GIGYF2: variants seen among roughly 807,000 people sequenced by gnomAD.
The protein encoded by GIGYF2 is GRB10-interacting GYF protein 2.
In GIGYF2, 25 loss-of-function variants were observed where a neutral mutation model predicts 208.1. The observed-to-expected ratio is 0.12, with a 90% CI of 0.09 to 0.17. The LOEUF is 0.17. GIGYF2 is among the 10% of genes least tolerant of loss of function. The pLI, the probability that GIGYF2 is intolerant of heterozygous loss-of-function variation, is 1.00. For missense variants in GIGYF2, 1,302 were observed against 1,579.4 expected, an observed-to-expected ratio of 0.82 and a Z score of 2.98; for synonymous variants, 534 against 543.8, an observed-to-expected ratio of 0.98 and a Z score of 0.25.
chr2:232,762,334 C>T (rs1698777920), intron 8 of GIGYF2, among the ~76,000 whole-genome samples: 1 of 149,806 alleles, frequency 6.7e-6, no homozygotes, highest in African/African-American at 2.5e-5. Context: ...CTCACTGCAA[C>T]CTATGCCTCC....
At chr2:232,704,176 G>A (rs1305870446) in intron 2 of GIGYF2, among the ~76,000 whole-genome samples, 3 of 152,114 alleles carry the variant, frequency 2.0e-5, no homozygotes, top group Non-Finnish European at 4.4e-5. Context: ...CCTAATGGTG[G>A]GGGCAGGTCT....
rs61747707 is a variant in GIGYF2, at chr2:232,729,827, G to A, written c.-43-5328G>A. 7.0e-3 allele frequency: 5,221 copies of A among 744,710 alleles called. 183 individuals are homozygous for A. In the African/African-American group the frequency reaches 0.077, roughly 11 times the overall value. The allele number at this position is 744,710 out of a possible 1,614,324, so 46.1% of individuals were successfully genotyped here. On this transcript the variant is annotated intron_variant, in intron 2 of 28. Coordinates refer to ENST00000373563, the MANE Select transcript of GIGYF2 (RefSeq NM_001103146.3). Reference sequence around the variant, plus strand: ...TTTTTGGCTTTCTTCGATTCATATTGTGGAAGGTGTTCTTCCCTTAGCCTC... The same window carrying A: ...TTTTTGGCTTTCTTCGATTCATATTATGGAAGGTGTTCTTCCCTTAGCCTC...
chr2:232,811,062 A>G (rs1700719456), intron 16 of GIGYF2, 182 bp from the exon 17 acceptor site: 2 of 565,860 alleles, frequency 3.5e-6, no homozygotes, highest in South Asian at 2.0e-5. Context: ...AGTTCTTTCT[A>G]GAATGAAGCA....
chr2:232,738,046 A>G (rs1459410925), intron 3 of GIGYF2, among the ~76,000 whole-genome samples: 1 of 150,484 alleles, frequency 6.6e-6, no homozygotes, highest in Non-Finnish European at 1.5e-5. Context: ...CCTCCTGAGT[A>G]GCTGAGATTA....
intron 3 of GIGYF2, chr2:232,735,558 AT>A (rs1410385582): frequency 6.0e-6 from 2 of 333,230 alleles, no homozygotes; most frequent in Non-Finnish European, 9.5e-6. Context: ...TAATTATAAC[AT>A]TTTTATGTCT....
chr2:232,759,975 G>A (rs144469017), intron 6 of GIGYF2, among the ~76,000 whole-genome samples: 3 of 152,234 alleles, frequency 2.0e-5, no homozygotes, highest in African/African-American at 7.2e-5. Context: ...ACCCTGTATG[G>A]CATTCATGAG....
rs759525243 is a variant in GIGYF2, at chr2:232,756,197, CTTTTTTTTTT to C, written c.268-15_268-6del. 4,086 of 710,618 alleles carry C rather than the reference CTTTTTTTTTT, an allele frequency of 5.7e-3. 29 individuals carry two copies. The highest frequency in any genetic ancestry group is 8.0e-3 in the Non-Finnish European group (3,648 of 455,032). 44.0% of individuals were successfully genotyped at this position (710,618 alleles called of 1,614,324 possible). ...TTTTCTTTCTTTTTTTCCTTTTTCT[CTTTTTTTTTT>C]TTTTTTTTTTGGCAGAGAAACTTTT... On this transcript the variant is annotated splice_polypyrimidine_tract_variant and intron_variant, in intron 5 of 28. Coordinates refer to ENST00000373563, the MANE Select transcript of GIGYF2 (RefSeq NM_001103146.3).
At chr2:232,799,978 A>C (rs1172294638) in intron 14 of GIGYF2, among the ~76,000 whole-genome samples, 1 of 149,744 alleles carries the variant, frequency 6.7e-6, no homozygotes, top group East Asian at 2.0e-4. Context: ...TTGGGTTGTT[A>C]ATTTTTTTGT....
chr2:232,811,484 T>TA (rs949771676), intron 17 of GIGYF2, 133 bp downstream of exon 17: 1 of 671,760 alleles, frequency 1.5e-6, no homozygotes, highest in South Asian at 1.6e-5. Context: ...ATGTTGTATG[T>TA]AAAAAAGTAT....
intron 9 of GIGYF2, among the ~76,000 whole-genome samples, chr2:232,789,439 ACT>A (rs1700007405): frequency 6.6e-6 from 1 of 152,014 alleles, no homozygotes; most frequent in African/African-American, 2.4e-5. Flanking sequence ...GATCATGAAG[ACT>A]CTTTTCACAT....
At chr2:232,847,230 GTGTC>G in intron 26 of GIGYF2, 114 bp from the exon 27 acceptor site, 2 of 984,734 alleles carry the variant, frequency 2.0e-6, no homozygotes, top group Non-Finnish European at 3.3e-6. Flanking sequence ...TACTTACCAA[GTGTC>G]TGTCATTAAT....
intron 8 of GIGYF2, chr2:232,768,083 G>A (rs1699048516): frequency 2.8e-6 from 3 of 1,081,104 alleles, no homozygotes; most frequent in Middle Eastern, 2.9e-4. Context: ...TTACCGTGAT[G>A]TAGAGAGCTA....
At chr2:232,729,196 T>TC (rs148755062) in intron 2 of GIGYF2, among the ~76,000 whole-genome samples, 13 of 152,284 alleles carry the variant, frequency 8.5e-5, no homozygotes, top group Non-Finnish European at 1.6e-4. Context: ...TCCAGACTGT[T>TC]CTTGAACTTC....
In GIGYF2 at chr2:232,857,383, C is replaced by T. The variant is rs3738904; in HGVS notation, c.*523C>T. 15,907 of 174,498 alleles carry T rather than the reference C, an allele frequency of 0.091. 1,029 individuals are homozygous for T. The highest frequency in any genetic ancestry group is 0.17 in the African/African-American group (7,283 of 41,820). 10.8% of individuals were successfully genotyped at this position (174,498 alleles called of 1,614,324 possible). A position where few individuals can be genotyped will look rare whatever the true frequency, so the allele number is the denominator to read the frequency against. On this transcript the variant is annotated 3_prime_UTR_variant, in exon 29 of 29. Transcript: ENST00000373563. ...ATCCAACAGGCAGTCAGAGCTCTCC[C>T]GGTCTGAAAGTTGCATTGCCACTGC... is the stretch of plus-strand genomic sequence containing the variant.
At chr2:232,820,316 CTTTTTTT>C (rs199677992) in intron 21 of GIGYF2, among the ~76,000 whole-genome samples, 8 of 138,716 alleles carry the variant, frequency 5.8e-5, no homozygotes, top group African/African-American at 1.9e-4. Context: ...GCAATAATTT[CTTTTTTT>C]TTTTTTTTTT....
rs114577649 is a variant in GIGYF2, at chr2:232,727,718, T to C, written c.-43-7437T>C. ...ACAGTGATTGCTGAGGCTTTGTTCC[T>C]GTTCTTTCTTGAGATTTCTGCTTTG... On this transcript the variant is annotated intron_variant, in intron 2 of 28. Transcript: ENST00000373563. Among the ~76,000 whole-genome samples the C allele has an allele frequency of 2.8e-3, 433 of 152,324 alleles. 2 individuals are homozygous for C. The highest frequency in any genetic ancestry group is 9.9e-3 in the African/African-American group (412 of 41,576).
intron 8 of GIGYF2, among the ~76,000 whole-genome samples, chr2:232,777,907 G>A (rs1699579793): frequency 6.6e-6 from 1 of 152,064 alleles, no homozygotes; most frequent in South Asian, 2.1e-4. Context: ...AAGCACTTGA[G>A]TGTATCTGTC....
At chr2:232,837,643 G>A (rs1701681958) in intron 22 of GIGYF2, among the ~76,000 whole-genome samples, 1 of 151,740 alleles carries the variant, frequency 6.6e-6, no homozygotes, top group Non-Finnish European at 1.5e-5. Context: ...ATTTTTAGTA[G>A]AAATGGGATT....
Position 232,819,990 on chromosome 2 carries a change from C to A in GIGYF2, c.2529+5C>A. 6.2e-7 allele frequency: 1 copy of A among 1,612,798 alleles called. No homozygotes were observed. Among genetic ancestry groups the A allele is most frequent in the Middle Eastern group, 1.7e-4 (1 of 6,060 alleles). ...GAAGAATTGTTACGCAAACAGGTGA[C>A]CAGATGGTTTTGTCTTCTAATTGTT... On this transcript the variant is annotated splice_donor_5th_base_variant and intron_variant, in intron 21 of 28. Transcript: ENST00000373563.
Sources: gnomAD v4.1 joint callset for allele counts (sites outside exome capture counted in the v4.1 genomes callset) on GRCh38, gnomAD v4.1.1 for gene constraint, MANE v1.5 for transcripts, NCBI Gene and HGNC (gene_info 2026-07-23, HGNC 2026-07-21) for gene names.